AMOT: variants seen among roughly 807,000 people sequenced by gnomAD.
AMOT encodes angiomotin.
A neutral mutation model predicts 67.0 loss-of-function variants in AMOT; 11 were observed. That is an observed-to-expected ratio of 0.16 (90% CI 0.10 to 0.27). The LOEUF is 0.27. Among genes scored for constraint, AMOT ranks in the 10% least tolerant of loss-of-function variants. The pLI is 1.00. For missense variants in AMOT, 753 were observed against 852.0 expected (o/e 0.88, Z 1.45); for synonymous variants, 326 against 321.4 (o/e 1.01, Z -0.15).
At chrX:112,829,396 T>A (rs928138246) in intron 2 of AMOT, among the ~76,000 whole-genome samples, 2 of 111,103 alleles carry the variant, frequency 1.8e-5, no homozygotes, top group African/African-American at 3.3e-5. Flanking sequence ...TGCTCCCCCA[T>A]CGCCTTCTGC....
chrX:112,816,722 C>T (rs1016339683), intron 4 of AMOT, among the ~76,000 whole-genome samples: 1 of 111,722 alleles, frequency 9.0e-6, no homozygotes, highest in Non-Finnish European at 1.9e-5. Flanking sequence ...ATCCTTCTTT[C>T]CCAATTCCCA....
At chrX:112,837,315 G>A (rs750778383) in intron 1 of AMOT, among the ~76,000 whole-genome samples, 3 of 111,631 alleles carry the variant, frequency 2.7e-5, no homozygotes, top group Non-Finnish European at 5.6e-5. Flanking sequence ...TAATTTAAGC[G>A]ATAATCATTA....
At chrX:112,805,416 C>G (rs1188704329) in intron 7 of AMOT, among the ~76,000 whole-genome samples, 1 of 98,397 alleles carries the variant, frequency 1.0e-5, no homozygotes, top group Non-Finnish European at 2.1e-5. Flanking sequence ...CACACACACA[C>G]AGAGCCCTCA....
In AMOT at chrX:112,778,322, T is replaced by C. The variant is rs1932989564; in HGVS notation, c.*245A>G. ...TTAACAGTCCCAGTATTCGTATAAA[T>C]TCAAACAATAAGCTTTAGAGCACAT... is the stretch of plus-strand genomic sequence containing the variant. On this transcript the variant is annotated 3_prime_UTR_variant, in exon 14 of 14. Transcript: ENST00000371959. 1 of 265,695 alleles carries C rather than the reference T, an allele frequency of 3.8e-6. No homozygotes were observed. Among genetic ancestry groups the C allele is most frequent in the Non-Finnish European group, 6.7e-6 (1 of 149,509 alleles). The allele number at this position is 265,695 out of a possible 1,213,427, so 21.9% of individuals were successfully genotyped here.
chrX:112,782,731 G>A (rs1040333532), intron 10 of AMOT, 69 bp from the exon 11 acceptor site: 28 of 1,122,329 alleles, frequency 2.5e-5, no homozygotes, highest in Middle Eastern at 2.7e-4. Context: ...TTTCTTCTAA[G>A]TCAAGGAAGG....
chrX:112,787,919 C>T (rs1317036088), intron 10 of AMOT, among the ~76,000 whole-genome samples: 1 of 111,761 alleles, frequency 8.9e-6, no homozygotes, highest in African/African-American at 3.3e-5. Flanking sequence ...CATTTTTCTT[C>T]TTTCTTTTCT....
chrX:112,782,714 T>C (rs1427155613), intron 10 of AMOT, 52 bp from the exon 11 acceptor site: 2 of 1,159,529 alleles, frequency 1.7e-6, no homozygotes, highest in Non-Finnish European at 1.2e-6. Flanking sequence ...GATCAATGAA[T>C]GTTATCTTTC....
At chrX:112,813,032 C>T (rs1171645826) in intron 5 of AMOT, among the ~76,000 whole-genome samples, 1 of 112,769 alleles carries the variant, frequency 8.9e-6, no homozygotes, top group East Asian at 2.8e-4. Flanking sequence ...GAAACTCAAG[C>T]GCTGGGGAGA....
chrX:112,831,029 G>T (rs1934972616), intron 2 of AMOT, among the ~76,000 whole-genome samples: 1 of 110,602 alleles, frequency 9.0e-6, no homozygotes, highest in Non-Finnish European at 1.9e-5. Flanking sequence ...TTCAGCCTCA[G>T]TTAAGGTGGC....
chrX:112,836,248 T>C, intron 1 of AMOT, among the ~76,000 whole-genome samples: 1 of 111,684 alleles, frequency 9.0e-6, no homozygotes, highest in South Asian at 3.8e-4. Context: ...AAGTAAACAG[T>C]GGACCCTAGT....
In AMOT at chrX:112,823,586, G is replaced by GT. The variant is rs765155282; in HGVS notation, c.-62-399dup. Among the ~76,000 whole-genome samples the GT allele has an allele frequency of 3.5e-3, 395 of 111,644 alleles. 2 individuals are homozygous for GT. Among genetic ancestry groups the GT allele is most frequent in the African/African-American group, 0.012 (375 of 30,663 alleles). On this transcript the variant is annotated intron_variant, in intron 3 of 13. Coordinates refer to ENST00000371959, the MANE Select transcript of AMOT (RefSeq NM_001113490.2). ...TGGCTGTGGAGGTGGGGGCAGGACAGTGGGGAAAGTTACCCCATAACAGGA... is the reference window on the plus strand; with the variant it reads ...TGGCTGTGGAGGTGGGGGCAGGACAGTTGGGGAAAGTTACCCCATAACAGGA...
intron 3 of AMOT, among the ~76,000 whole-genome samples, chrX:112,823,414 TA>T (rs1934764812): frequency 9.0e-6 from 1 of 111,709 alleles, no homozygotes; most frequent in Admixed American, 9.5e-5. Context: ...TAGCATGAGT[TA>T]AATATTCAAT....
rs1422225937 is a variant in AMOT at position 112,822,500 on chromosome X, C to A, written c.627G>T (p.Lys209Asn). The change falls in exon 4 of 14, where the codon AAG becomes AAT. Residue 209 changes from lysine to asparagine, a missense_variant. Lys to Asn is a moderately conservative substitution (Grantham distance 94). Transcript: ENST00000371959. ...LSPPQPNDLY[K>N]NPTSSSEFYK... ...AGAATTCACTGGAACTTGTGGGATT[C>A]TTGTAGAGGTCATTGGGTTGTGGTG... 6 of 1,167,678 alleles carry A rather than the reference C, an allele frequency of 5.1e-6. No individual in the cohort carries two copies. In the South Asian group the frequency reaches 1.1e-4, roughly 22 times the overall value.
Position 112,815,450 on chromosome X carries a change from C to A in AMOT, c.1300G>T (p.Ala434Ser). 8.3e-7 allele frequency: 1 copy of A among 1,211,763 alleles called. No individual in the cohort carries two copies. Among genetic ancestry groups the A allele is most frequent in the African/African-American group, 1.7e-5 (1 of 57,742 alleles). The change falls in exon 5 of 14, where the codon GCC becomes TCC. Residue 434 changes from alanine to serine, a missense_variant. Physicochemically the swap from Ala to Ser is moderately conservative, Grantham distance 99 (BLOSUM62 1). Transcript: ENST00000371959. ...PADPFAIVSRAQQMVEILSDE... is the reference protein window; with the variant it reads ...PADPFAIVSRSQQMVEILSDE... ...GAGAGGATCTCAACCATCTGCTGGG[C>A]TCTGGAAACAATGGCAAAAGGGTCT...
intron 4 of AMOT, among the ~76,000 whole-genome samples, chrX:112,820,422 A>G (rs750555215): frequency 4.8e-4 from 54 of 112,107 alleles, no homozygotes; most frequent in Non-Finnish European, 1.0e-3. Flanking sequence ...GGAAAAAAAA[A>G]GAAAACCTCT....
At chrX:112,806,892 A>G (rs1934208616) in intron 7 of AMOT, among the ~76,000 whole-genome samples, 2 of 111,894 alleles carry the variant, frequency 1.8e-5, no homozygotes, top group African/African-American at 6.5e-5. Flanking sequence ...TAAAGATTTC[A>G]TTGCTTGGTC....
rs1321790449 is a variant in AMOT at position 112,791,998 on chromosome X, G to T, written c.1777-17C>A. ...CTTTTTCAGCTGGAAATCCATGTTG[G>T]GTAATTTGCAAGGTGAAAGGAAAAA... On this transcript the variant is annotated splice_polypyrimidine_tract_variant and intron_variant, in intron 8 of 13. Transcript: ENST00000371959. 8.3e-7 allele frequency: 1 copy of T among 1,209,038 alleles called. No homozygotes were observed. Among genetic ancestry groups the T allele is most frequent in the East Asian group, 3.0e-5 (1 of 33,797 alleles).
chrX:112,796,225 T>C (rs1318334231), intron 8 of AMOT, among the ~76,000 whole-genome samples: 1 of 112,062 alleles, frequency 8.9e-6, no homozygotes, highest in Non-Finnish European at 1.9e-5. Flanking sequence ...AGTTTTGCTT[T>C]AGTTTGTGTG....
chrX:112,783,691 ATG>A (rs34787381), intron 10 of AMOT, among the ~76,000 whole-genome samples: 133 of 100,056 alleles, frequency 1.3e-3, no homozygotes, highest in East Asian at 3.1e-3. Flanking sequence ...AAGGAAAAAC[ATG>A]TGTGTGTGTG....
Sources: gnomAD v4.1 joint callset for allele counts (sites outside exome capture counted in the v4.1 genomes callset) on GRCh38, gnomAD v4.1.1 for gene constraint, MANE v1.5 for transcripts, NCBI Gene and HGNC (gene_info 2026-07-23, HGNC 2026-07-21) for gene names.